ST6GALNAC3: variants seen among roughly 807,000 people sequenced by gnomAD.
ST6GALNAC3 encodes the protein alpha-N-acetylgalactosaminide alpha-2,6-sialyltransferase 3.
A neutral mutation model predicts 32.7 loss-of-function variants in ST6GALNAC3; 25 were observed. That is an observed-to-expected ratio of 0.76 (90% CI 0.56 to 1.07). The LOEUF is 1.07. ST6GALNAC3 is among the 50% of genes least tolerant of loss of function. The pLI, the probability that ST6GALNAC3 is intolerant of heterozygous loss-of-function variation, is 0.00. For synonymous variants in ST6GALNAC3, 129 were observed against 133.1 expected (o/e 0.97, Z 0.21); for missense variants, 355 against 382.4 (o/e 0.93, Z 0.60).
chr1:76,426,544 G>GATATATATATATATATCTGTACAT (rs1553195625), intron 3 of ST6GALNAC3, among the ~76,000 whole-genome samples: 3 of 146,670 alleles, frequency 2.0e-5, no homozygotes, highest in African/African-American at 7.7e-5. Context: ...CTGTTTTACA[G>GATATATATATATATATCTGTACAT]ATATATATAT....
chr1:76,452,522 T>G (rs899466165), intron 3 of ST6GALNAC3, among the ~76,000 whole-genome samples: 1 of 152,194 alleles, frequency 6.6e-6, no homozygotes, highest in Non-Finnish European at 1.5e-5. Flanking sequence ...TTTTTCTGCA[T>G]CTATGGAGAT....
intron 3 of ST6GALNAC3, among the ~76,000 whole-genome samples, chr1:76,537,573 T>A (rs1972250): frequency 4.5e-4 from 69 of 151,830 alleles, no homozygotes; most frequent in African/African-American, 1.4e-3. Flanking sequence ...TTAGATAAAC[T>A]AATAAAGAGG....
intron 1 of ST6GALNAC3, among the ~76,000 whole-genome samples, chr1:76,184,562 C>G (rs185070768): frequency 1.4e-5 from 2 of 147,978 alleles, no homozygotes; most frequent in African/African-American, 2.5e-5. Flanking sequence ...CACACACACA[C>G]GAAACATATG....
chr1:76,608,265 CT>C (rs1304201403), intron 3 of ST6GALNAC3, among the ~76,000 whole-genome samples: 3 of 152,074 alleles, frequency 2.0e-5, no homozygotes, highest in Admixed American at 2.0e-4. Context: ...ATAGAGGAGA[CT>C]AAATGGTATT....
chr1:76,257,953 C>T (rs1658011087), intron 1 of ST6GALNAC3, among the ~76,000 whole-genome samples: 1 of 152,126 alleles, frequency 6.6e-6, no homozygotes, highest in Non-Finnish European at 1.5e-5. Context: ...GGCTGCCAGT[C>T]CTGCCCACTT....
intron 2 of ST6GALNAC3, among the ~76,000 whole-genome samples, chr1:76,398,319 G>A (rs1200311416): frequency 6.6e-6 from 1 of 152,070 alleles, no homozygotes; most frequent in Non-Finnish European, 1.5e-5. Context: ...CAATATATTT[G>A]TCATAGAACA....
At chr1:76,471,451 T>C (rs1451357896) in intron 3 of ST6GALNAC3, among the ~76,000 whole-genome samples, 1 of 152,144 alleles carries the variant, frequency 6.6e-6, no homozygotes, top group Non-Finnish European at 1.5e-5. Flanking sequence ...TTGTCTTTTA[T>C]TCCCAGTAAG....
intron 2 of ST6GALNAC3, among the ~76,000 whole-genome samples, chr1:76,375,254 T>C (rs1015342568): frequency 6.6e-6 from 1 of 152,104 alleles, no homozygotes; most frequent in African/African-American, 2.4e-5. Context: ...TTGGATTGAG[T>C]TGATTGTTAA....
At chr1:76,149,892 A>T (rs895217901) in intron 1 of ST6GALNAC3, among the ~76,000 whole-genome samples, 1 of 152,152 alleles carries the variant, frequency 6.6e-6, no homozygotes, top group Non-Finnish European at 1.5e-5. Flanking sequence ...GTTGTTTTGC[A>T]CGTTGCTAGA....
intron 1 of ST6GALNAC3, among the ~76,000 whole-genome samples, chr1:76,102,912 GTTTTTTGTTTGAAGTGC>G (rs1647286192): frequency 6.6e-6 from 1 of 151,734 alleles, no homozygotes; most frequent in Non-Finnish European, 1.5e-5. Context: ...AAATTCTTTT[GTTTTTTGTTTGAAGTGC>G]TTTATTTTAC....
At chr1:76,503,693 C>T (rs1661312573) in intron 3 of ST6GALNAC3, among the ~76,000 whole-genome samples, 2 of 152,206 alleles carry the variant, frequency 1.3e-5, no homozygotes, top group East Asian at 1.9e-4. Context: ...CTGCTCTAAA[C>T]ATTCTGTTCA....
chr1:76,383,442 T>TG (rs1651868881), intron 2 of ST6GALNAC3, among the ~76,000 whole-genome samples: 1 of 8,980 alleles, frequency 1.1e-4, no homozygotes, highest in African/African-American at 5.9e-4. Context: ...GGCTAATTAA[T>TG]TTTTTTTTTT....
intron 2 of ST6GALNAC3, among the ~76,000 whole-genome samples, chr1:76,388,633 C>T (rs1374695697): frequency 6.6e-6 from 1 of 152,124 alleles, no homozygotes; most frequent in African/African-American, 2.4e-5. Flanking sequence ...GCTGTCCTGC[C>T]TTTAGCCACC....
intron 3 of ST6GALNAC3, among the ~76,000 whole-genome samples, chr1:76,551,934 G>C (rs1333870666): frequency 1.3e-5 from 2 of 152,144 alleles, no homozygotes; most frequent in African/African-American, 2.4e-5. Context: ...ACTGTTGGGG[G>C]CAGTGGGGTC....
At chr1:76,487,228 A>G (rs1183926933) in intron 3 of ST6GALNAC3, among the ~76,000 whole-genome samples, 1 of 152,124 alleles carries the variant, frequency 6.6e-6, no homozygotes, top group African/African-American at 2.4e-5. Context: ...CTAAAGGAGT[A>G]TCTTTGTGGT....
chr1:76,390,681 TG>T (rs1222036112), intron 2 of ST6GALNAC3, among the ~76,000 whole-genome samples: 1 of 152,154 alleles, frequency 6.6e-6, no homozygotes, highest in African/African-American at 2.4e-5. Context: ...CAAACCATTG[TG>T]TACCTCACAG....
intron 1 of ST6GALNAC3, 168 bp from the exon 2 acceptor site, chr1:76,313,637 C>T: frequency 1.2e-6 from 1 of 805,462 alleles, no homozygotes; most frequent in African/African-American, 1.7e-5. Flanking sequence ...CACACTAGGA[C>T]AATTTGGTCA....
chr1:76,118,005 A>T (rs1227052167), intron 1 of ST6GALNAC3, among the ~76,000 whole-genome samples: 1 of 152,182 alleles, frequency 6.6e-6, no homozygotes, highest in Non-Finnish European at 1.5e-5. Context: ...AAGTTCTGGG[A>T]TACATGTGCA....
At chr1:76,498,353 G>A (rs1265123036) in intron 3 of ST6GALNAC3, among the ~76,000 whole-genome samples, 1 of 152,160 alleles carries the variant, frequency 6.6e-6, no homozygotes, top group African/African-American at 2.4e-5. Flanking sequence ...GAAAAGAGGA[G>A]TGAGTACATA....
Sources: allele counts gnomAD v4.1 joint callset (sites outside exome capture counted in the v4.1 genomes callset), GRCh38; gene constraint gnomAD v4.1.1; transcripts MANE v1.5; gene names NCBI Gene and HGNC (gene_info 2026-07-23, HGNC 2026-07-21).